Variants in ITPR2 observed in about 807,000 individuals in gnomAD.
The protein encoded by ITPR2 is inositol 1,4,5-trisphosphate receptor type 2, also known as inositol 1,4,5-trisphosphate-gated calcium channel ITPR2.
Under a neutral mutation model 317.1 loss-of-function variants are expected in ITPR2, and 207 were observed. That is an observed-to-expected ratio of 0.65 (90% CI 0.58 to 0.73). The LOEUF is 0.73. Among genes scored for constraint, ITPR2 ranks in the 30% least tolerant of loss-of-function variants. The pLI, the probability that ITPR2 is intolerant of heterozygous loss-of-function variation, is 0.00. For synonymous variants in ITPR2, 1,156 were observed against 1,149.1 expected (o/e 1.01, Z -0.12); for missense variants, 2,613 against 3,284.0 (o/e 0.80, Z 4.99).
At chr12:26,497,203 G>C (rs1357371304) in intron 37 of ITPR2, among the ~76,000 whole-genome samples, 1 of 147,646 alleles carries the variant, frequency 6.8e-6, no homozygotes, top group Non-Finnish European at 1.5e-5. Context: ...GCCCAGGCTG[G>C]AGTGCAGTGG....
In ITPR2 at chr12:26,666,071, A is replaced by T; in HGVS notation, c.1410-20T>A. ...ACAAACCTATTACAAAATGAAAAGG[A>T]AATTTTACTTTACAGTGTGCTTAAT... is the stretch of plus-strand genomic sequence containing the variant. On this transcript the variant is annotated intron_variant, in intron 13 of 56. Coordinates refer to ENST00000381340, the MANE Select transcript of ITPR2 (RefSeq NM_002223.4). The T allele has an allele frequency of 1.9e-6, 3 of 1,602,564 alleles. No individual in the cohort carries two copies. In the Admixed American group the frequency reaches 5.2e-5, roughly 28 times the overall value.
At chr12:26,554,429 A>G (rs1373982343) in intron 36 of ITPR2, among the ~76,000 whole-genome samples, 1 of 152,234 alleles carries the variant, frequency 6.6e-6, no homozygotes. Flanking sequence ...TCTCTAAAGG[A>G]TCAGACAGTA....
intron 54 of ITPR2, among the ~76,000 whole-genome samples, chr12:26,392,339 T>G (rs866332699): frequency 2.0e-5 from 3 of 152,240 alleles, no homozygotes; most frequent in Middle Eastern, 3.2e-3. Context: ...CTTGTAGTCA[T>G]GCTGACTTTC....
At chr12:26,549,767 G>T in intron 37 of ITPR2, among the ~76,000 whole-genome samples, 1 of 151,842 alleles carries the variant, frequency 6.6e-6, no homozygotes, top group East Asian at 1.9e-4. Context: ...GTTAAGAATA[G>T]AAACTGACTA....
At chr12:26,619,677 A>G (rs1946451583) in intron 26 of ITPR2, among the ~76,000 whole-genome samples, 1 of 152,168 alleles carries the variant, frequency 6.6e-6, no homozygotes. Context: ...TTCAAAACTA[A>G]GCCAGCTGAT....
chr12:26,823,993 A>T (rs1045583264), intron 1 of ITPR2, among the ~76,000 whole-genome samples: 12 of 152,224 alleles, frequency 7.9e-5, no homozygotes, highest in Non-Finnish European at 1.5e-5. Flanking sequence ...AAATTAAAAG[A>T]CTACCAATAC....
At chr12:26,714,524 T>C (rs534392614) in intron 8 of ITPR2, among the ~76,000 whole-genome samples, 20 of 152,168 alleles carry the variant, frequency 1.3e-4, no homozygotes, top group Non-Finnish European at 2.6e-4. Flanking sequence ...TTGAGCATTA[T>C]ACTAATTCTA....
intron 2 of ITPR2, among the ~76,000 whole-genome samples, chr12:26,746,191 A>AC (rs1949319249): frequency 6.7e-6 from 1 of 150,340 alleles, no homozygotes; most frequent in Non-Finnish European, 1.5e-5. Flanking sequence ...GTATTCCTAC[A>AC]ACACACACAC....
chr12:26,623,340 T>C (rs1456646212), intron 24 of ITPR2: 3 of 152,214 alleles, frequency 2.0e-5, no homozygotes, highest in South Asian at 2.1e-4. Context: ...TCCCCCATCA[T>C]TAGTCACTTA....
At chr12:26,344,246 G>A (rs1421037505) in intron 55 of ITPR2, among the ~76,000 whole-genome samples, 1 of 152,138 alleles carries the variant, frequency 6.6e-6, no homozygotes, top group Non-Finnish European at 1.5e-5. Flanking sequence ...AACAGACTAA[G>A]ACAGGGCTCC....
intron 26 of ITPR2, among the ~76,000 whole-genome samples, chr12:26,612,291 T>C (rs1398092608): frequency 6.6e-6 from 1 of 152,228 alleles, no homozygotes; most frequent in East Asian, 1.9e-4. Flanking sequence ...TCTGGTCTTC[T>C]GATATCTAAG....
intron 22 of ITPR2, among the ~76,000 whole-genome samples, chr12:26,628,717 C>T (rs897509286): frequency 2.6e-5 from 4 of 152,120 alleles, no homozygotes; most frequent in Admixed American, 6.5e-5. Context: ...CATGGATGCA[C>T]GGACAGAAAC....
chr12:26,487,124 C>A lies in ITPR2; in HGVS notation c.5498G>T (p.Gly1833Val). 6.2e-7 allele frequency: 1 copy of A among 1,612,890 alleles called. No individual in the cohort carries two copies. The highest frequency in any genetic ancestry group is 8.5e-7 in the Non-Finnish European group (1 of 1,179,550). The change falls in exon 40 of 57, where the codon GGT (glycine) becomes GTT (valine). Residue 1833 changes from glycine (G) to valine (V), a missense_variant. Physicochemically the swap from Gly to Val is moderately radical, Grantham distance 109. This residue lies in a region of ITPR2 where 926 missense variants were observed against 1,072.8 expected (regional missense o/e 0.86). Transcript: ENST00000381340. ...STVTVNTIDL[G>V]NKKRDDDNEL... ...ATTGTCATCGTCCCTTTTTTTGTTA[C>A]CTAAATCTATGGTATTAACTGTCAC...
intron 45 of ITPR2, among the ~76,000 whole-genome samples, chr12:26,462,432 TG>T (rs1379614276): frequency 1.3e-5 from 2 of 152,192 alleles, no homozygotes; most frequent in African/African-American, 4.8e-5. Context: ...CAGGCTGGTC[TG>T]GAACTCCTGA....
intron 8 of ITPR2, 63 bp downstream of exon 8, chr12:26,715,236 A>G: frequency 7.2e-7 from 1 of 1,396,784 alleles, no homozygotes; most frequent in Non-Finnish European, 9.9e-7. Context: ...TAAAACAACA[A>G]GCCCAGTGAA....
chr12:26,351,214 G>A (rs1444191065), intron 55 of ITPR2, among the ~76,000 whole-genome samples: 2 of 152,238 alleles, frequency 1.3e-5, no homozygotes, highest in Non-Finnish European at 2.9e-5. Context: ...AACACTCAGA[G>A]AGGGGAGGTG....
intron 45 of ITPR2, among the ~76,000 whole-genome samples, chr12:26,456,547 A>G (rs890116992): frequency 2.6e-5 from 4 of 152,154 alleles, no homozygotes; most frequent in Non-Finnish European, 5.9e-5. Flanking sequence ...TGGAGTAGCC[A>G]TTCTTTATTC....
At position 26,831,937 on chromosome 12, in the gene ITPR2, C is replaced by G. The variant is rs1021562229; in HGVS notation, c.92+753G>C. 5.4e-5 allele frequency among the ~76,000 whole-genome samples: 8 copies of G among 148,988 alleles called. No homozygotes were observed. The highest frequency in any genetic ancestry group is 1.0e-4 in the Non-Finnish European group (7 of 67,566). Reference sequence around the variant, plus strand: ...TATGTGTATATATATATATATTTTTCCCCCCATTCAACTCGAATCTCAAGA... The same window carrying G: ...TATGTGTATATATATATATATTTTTGCCCCCATTCAACTCGAATCTCAAGA... On this transcript the variant is annotated intron_variant, in intron 1 of 56. Transcript: ENST00000381340. This position sits in a 1 kb window ranked among gnomAD's most constrained non-coding sequence, Gnocchi z 4.9.
At chr12:26,738,518 A>C (rs1949169712) in intron 2 of ITPR2, among the ~76,000 whole-genome samples, 1 of 152,014 alleles carries the variant, frequency 6.6e-6, no homozygotes, top group Non-Finnish European at 1.5e-5. Context: ...CTATTCTTTT[A>C]TTCTCCATAA....
Sources: allele counts gnomAD v4.1 joint callset (sites outside exome capture counted in the v4.1 genomes callset), GRCh38; gene constraint gnomAD v4.1.1; regional missense constraint gnomAD v4.1.1; non-coding constraint Gnocchi (gnomAD v3.1); transcripts MANE v1.5; gene names NCBI Gene and HGNC (gene_info 2026-07-23, HGNC 2026-07-21).